Variants in LEF1 observed in about 807,000 individuals in gnomAD.
LEF1 encodes lymphoid enhancer binding factor 1.
Under a neutral mutation model 51.2 loss-of-function variants are expected in LEF1, and 14 were observed. The ratio of observed to expected loss-of-function variants is 0.27; its 90% CI spans 0.18 to 0.43. The LOEUF is 0.43. Among genes scored for constraint, LEF1 ranks in the 20% least tolerant of loss-of-function variants. The pLI, the probability that LEF1 is intolerant of heterozygous loss-of-function variation, is 1.00. For synonymous variants in LEF1, 185 were observed against 183.2 expected, an observed-to-expected ratio of 1.01 and a Z score of -0.08; for missense variants, 386 against 512.0, an observed-to-expected ratio of 0.75 and a Z score of 2.37.
At chr4:108,050,608 A>G (rs180736208) in intron 11 of LEF1, among the ~76,000 whole-genome samples, 4 of 152,302 alleles carry the variant, frequency 2.6e-5, no homozygotes, top group African/African-American at 9.6e-5. Flanking sequence ...ATTTTGCATC[A>G]CAGATTTTCA....
intron 3 of LEF1, among the ~76,000 whole-genome samples, chr4:108,100,460 A>C (rs1318661497): frequency 6.6e-6 from 1 of 152,238 alleles, no homozygotes; most frequent in Admixed American, 6.5e-5. Flanking sequence ...AAAATCAAAG[A>C]TAAACTCCAC....
intron 3 of LEF1, among the ~76,000 whole-genome samples, chr4:108,119,498 T>C (rs532964694): frequency 1.3e-5 from 2 of 152,214 alleles, no homozygotes; most frequent in South Asian, 4.1e-4. Flanking sequence ...ATTATGGTAA[T>C]GTACAAAATG....
intron 11 of LEF1, among the ~76,000 whole-genome samples, chr4:108,060,441 A>G (rs914639799): frequency 3.9e-5 from 6 of 152,150 alleles, no homozygotes; most frequent in Non-Finnish European, 8.8e-5. Context: ...TTATACTGAG[A>G]AACCAGAGGC....
In LEF1 at chr4:108,049,382, T is replaced by C. The variant is rs118124551; in HGVS notation, c.*7-631A>G. Among the ~76,000 whole-genome samples, 65 of 152,332 alleles carry C rather than the reference T, an allele frequency of 4.3e-4. 1 individual carries two copies. In the East Asian group the frequency reaches 9.4e-3, roughly 22 times the overall value. ...ACACTCAGCAAATATGTTAAAATAA[T>C]GTTGCCAGATATTGGTGATAATGAT... On this transcript the variant is annotated intron_variant, in intron 11 of 11. Transcript: ENST00000265165.
intron 9 of LEF1, among the ~76,000 whole-genome samples, chr4:108,068,585 G>C (rs1738246226): frequency 6.6e-6 from 1 of 152,192 alleles, no homozygotes; most frequent in Non-Finnish European, 1.5e-5. Context: ...ACTCAGAAGA[G>C]CTGACTATGC....
intron 3 of LEF1, among the ~76,000 whole-genome samples, chr4:108,158,226 T>C (rs901661908): frequency 6.6e-6 from 1 of 152,160 alleles, no homozygotes; most frequent in Non-Finnish European, 1.5e-5. Flanking sequence ...AAAGTATAAT[T>C]TTTAAATTAT....
intron 3 of LEF1, among the ~76,000 whole-genome samples, chr4:108,093,856 G>A (rs375886475): frequency 1.4e-4 from 21 of 152,266 alleles, no homozygotes; most frequent in African/African-American, 4.6e-4. Flanking sequence ...TCACCATCAG[G>A]CCAACCTACC....
intron 9 of LEF1, among the ~76,000 whole-genome samples, chr4:108,066,133 C>A (rs1738063926): frequency 6.6e-6 from 1 of 152,180 alleles, no homozygotes; most frequent in African/African-American, 2.4e-5. Flanking sequence ...GAACTCCTGA[C>A]CTCAAGTAAT....
intron 7 of LEF1, among the ~76,000 whole-genome samples, chr4:108,078,988 T>G (rs1240746257): frequency 6.6e-6 from 1 of 152,178 alleles, no homozygotes; most frequent in Non-Finnish European, 1.5e-5. Context: ...CAGAGTAAAT[T>G]AATTTAGGCC....
chr4:108,162,792 C>T (rs1335585564), intron 3 of LEF1, among the ~76,000 whole-genome samples: 1 of 152,120 alleles, frequency 6.6e-6, no homozygotes, highest in African/African-American at 2.4e-5. Flanking sequence ...GAGAGAACTC[C>T]ATCACCAGCA....
intron 5 of LEF1, among the ~76,000 whole-genome samples, chr4:108,082,760 G>A (rs1158218261): frequency 6.6e-6 from 1 of 152,076 alleles, no homozygotes; most frequent in Non-Finnish European, 1.5e-5. Context: ...GATTTTGGAG[G>A]CAGCAGTAAG....
intron 3 of LEF1, among the ~76,000 whole-genome samples, chr4:108,124,754 A>C (rs1018330648): frequency 2.0e-5 from 3 of 152,226 alleles, no homozygotes; most frequent in African/African-American, 7.2e-5. Flanking sequence ...CCACCACATA[A>C]AAGTTATGAA....
At chr4:108,118,120 A>C (rs916706647) in intron 3 of LEF1, among the ~76,000 whole-genome samples, 1 of 152,206 alleles carries the variant, frequency 6.6e-6, no homozygotes, top group Non-Finnish European at 1.5e-5. Context: ...GCTAACAAGT[A>C]GTAGAGGTAG....
At chr4:108,060,804 A>G (rs1737632325) in intron 11 of LEF1, among the ~76,000 whole-genome samples, 1 of 151,912 alleles carries the variant, frequency 6.6e-6, no homozygotes, top group Non-Finnish European at 1.5e-5. Flanking sequence ...GAGAATAGGG[A>G]CCTTCTTTGC....
At chr4:108,151,035 TA>T (rs1744330359) in intron 3 of LEF1, among the ~76,000 whole-genome samples, 1 of 152,190 alleles carries the variant, frequency 6.6e-6, no homozygotes, top group Admixed American at 6.5e-5. Context: ...GCCCATAATG[TA>T]AAATGGTTTG....
chr4:108,117,717 G>GGGGGAGGAAGAGC (rs1400639753), intron 3 of LEF1, among the ~76,000 whole-genome samples: 2 of 152,166 alleles, frequency 1.3e-5, no homozygotes, highest in Non-Finnish European at 2.9e-5. Flanking sequence ...TTTGCGGGGA[G>GGGGGAGGAAGAGC]GGGGAGGAAG....
At chr4:108,062,243 CA>C (rs1389726214) in intron 11 of LEF1, among the ~76,000 whole-genome samples, 9 of 152,136 alleles carry the variant, frequency 5.9e-5, no homozygotes, top group African/African-American at 2.2e-4. Flanking sequence ...ACCTCAGCAC[CA>C]AAATTAAGTT....
At chr4:108,142,231 T>A (rs1377035251) in intron 3 of LEF1, among the ~76,000 whole-genome samples, 1 of 152,216 alleles carries the variant, frequency 6.6e-6, no homozygotes, top group Non-Finnish European at 1.5e-5. Flanking sequence ...TAGCCCTTTT[T>A]AATCAACTAA....
At chr4:108,071,356 T>C (rs932663264) in intron 8 of LEF1, among the ~76,000 whole-genome samples, 1 of 152,214 alleles carries the variant, frequency 6.6e-6, no homozygotes. Context: ...ATATAGACGC[T>C]GTCTATAGGG....
Sources: allele counts gnomAD v4.1 joint callset (sites outside exome capture counted in the v4.1 genomes callset), GRCh38; gene constraint gnomAD v4.1.1; transcripts MANE v1.5; gene names NCBI Gene and HGNC (gene_info 2026-07-23, HGNC 2026-07-21).